The following TMPRSS7 variants were observed in gnomAD, a reference collection of about 807,000 sequenced individuals.
TMPRSS7 encodes the protein transmembrane protease serine 7.
A neutral mutation model predicts 95.6 loss-of-function variants in TMPRSS7; 81 were observed. The ratio of observed to expected loss-of-function variants is 0.85; its 90% CI spans 0.71 to 1.02. TMPRSS7 has a LOEUF of 1.02. Ranked by LOEUF, TMPRSS7 falls within the 50% of genes least tolerant of loss-of-function variation. The pLI is 0.00. For missense variants in TMPRSS7, 945 were observed against 955.2 expected, an observed-to-expected ratio of 0.99 and a Z score of 0.14; for synonymous variants, 364 against 337.8, an observed-to-expected ratio of 1.08 and a Z score of -0.85.
At chr3:112,073,089 C>CTT (rs1156538909) in intron 13 of TMPRSS7, among the ~76,000 whole-genome samples, 66 of 128,456 alleles carry the variant, frequency 5.1e-4, no homozygotes, top group African/African-American at 7.0e-4. Context: ...TGTTTCCTGA[C>CTT]TTTTTTTTTT....
rs77767840 is a variant in TMPRSS7, at chr3:112,058,068, A to G, written c.1310+937A>G. On this transcript the variant is annotated intron_variant, in intron 10 of 17. Transcript: ENST00000452346. ...AAATACAGGATGCCCTGTCTTGACC[A>G]CAGAATATCTTCTTAGTTCACTTTC... Among the ~76,000 whole-genome samples, 489 of 152,314 alleles carry G rather than the reference A, an allele frequency of 3.2e-3. 2 individuals carry two copies. The highest frequency in any genetic ancestry group is 0.011 in the African/African-American group (451 of 41,564).
At chr3:112,079,449 C>T (rs2073751965) in intron 17 of TMPRSS7, among the ~76,000 whole-genome samples, 1 of 152,214 alleles carries the variant, frequency 6.6e-6, no homozygotes, top group African/African-American at 2.4e-5. Flanking sequence ...CCACGGCCCA[C>T]AGGCCACATG....
intron 10 of TMPRSS7, among the ~76,000 whole-genome samples, chr3:112,059,354 TTC>T (rs1204695340): frequency 6.6e-6 from 1 of 152,200 alleles, no homozygotes; most frequent in Non-Finnish European, 1.5e-5. Context: ...CTTGCTGGCT[TTC>T]TCGTGTTTCT....
intron 13 of TMPRSS7, among the ~76,000 whole-genome samples, chr3:112,072,097 G>A (rs1029899374): frequency 7.9e-5 from 12 of 152,188 alleles, no homozygotes; most frequent in Admixed American, 1.3e-4. Flanking sequence ...TCTACCTTCG[G>A]TCTTTGATGT....
intron 17 of TMPRSS7, among the ~76,000 whole-genome samples, chr3:112,079,132 C>A (rs1276869218): frequency 2.0e-5 from 3 of 152,212 alleles, no homozygotes; most frequent in African/African-American, 4.8e-5. Context: ...GGTCAGCATT[C>A]ATCATTCTGC....
chr3:112,060,587 T>C (rs2073489773), intron 10 of TMPRSS7, among the ~76,000 whole-genome samples: 1 of 152,244 alleles, frequency 6.6e-6, no homozygotes, highest in South Asian at 2.1e-4. Flanking sequence ...GTGTTCTGCC[T>C]GGCTCACCAG....
intron 9 of TMPRSS7, among the ~76,000 whole-genome samples, chr3:112,054,770 T>C (rs1265997913): frequency 1.6e-5 from 2 of 122,416 alleles, no homozygotes; most frequent in African/African-American, 5.9e-5. Flanking sequence ...AGACGGAGTC[T>C]CGTTCTGTCG....
chr3:112,049,895 C>T (rs2073324370), exon 8 of TMPRSS7: 1 of 1,558,974 alleles, frequency 6.4e-7, no homozygotes, highest in Admixed American at 1.7e-5. Context: ...CAAATAATCT[C>T]ATGTTGGTGA....
intron 13 of TMPRSS7, 63 bp downstream of exon 13, chr3:112,066,565 A>T (rs2073578925): frequency 1.4e-6 from 2 of 1,474,064 alleles, no homozygotes; most frequent in Non-Finnish European, 1.9e-6. Context: ...TCAGGACAAA[A>T]ATACCTCTGA....
rs11929601 is a variant in TMPRSS7 at position 112,071,765 on chromosome 3, C to T, written c.1667-2531C>T. On this transcript the variant is annotated intron_variant, in intron 13 of 17. Transcript: ENST00000452346. ...GCTACTGAAGCTTGTGCATGTGTCA[C>T]GTAGTTCTCGTGCCATAGTTTTCAG... 6.6e-3 allele frequency among the ~76,000 whole-genome samples: 998 copies of T among 152,276 alleles called. 18 individuals are homozygous for T. Among genetic ancestry groups the T allele is most frequent in the African/African-American group, 0.023 (959 of 41,558 alleles).
rs536416784 is a variant in TMPRSS7, at chr3:112,052,029, C to T, written c.1203+1246C>T. Reference sequence around the variant, plus strand: ...ACAAACACAGAGCAGCAGCCCTGCTCTCATGGAGCTTACCTTCCAGTAGGG... The same window carrying T: ...ACAAACACAGAGCAGCAGCCCTGCTTTCATGGAGCTTACCTTCCAGTAGGG... On this transcript the variant is annotated intron_variant, in intron 9 of 17. Coordinates refer to ENST00000452346, the Ensembl canonical transcript of TMPRSS7. Among the ~76,000 whole-genome samples, 25 of 152,234 alleles carry T rather than the reference C, an allele frequency of 1.6e-4. No individual in the cohort carries two copies. The South Asian group carries it at 1.9e-3, about 11-fold the overall frequency.
At chr3:112,037,848 A>G (rs2073163132) in intron 1 of TMPRSS7, among the ~76,000 whole-genome samples, 1 of 152,150 alleles carries the variant, frequency 6.6e-6, no homozygotes, top group African/African-American at 2.4e-5. Context: ...CCATTTCACT[A>G]GGGTTTGTAT....
chr3:112,075,642 AT>A (rs57907161), intron 15 of TMPRSS7, 150 bp downstream of exon 15: 8,713 of 608,698 alleles, frequency 0.014, 299 homozygotes, highest in African/African-American at 0.087. Flanking sequence ...TGTGACAAAC[AT>A]TTTTTTTTAA....
Position 112,050,611 on chromosome 3 carries a change from G to T in TMPRSS7, c.1091-60G>T, listed in dbSNP as rs535735542. 4.1e-6 allele frequency: 3 copies of T among 729,152 alleles called. No homozygotes were observed. The African/African-American group carries it at 5.5e-5, about 13-fold the overall frequency. 45.2% of individuals were successfully genotyped at this position (729,152 alleles called of 1,614,324 possible). A position where few individuals can be genotyped will look rare whatever the true frequency, so the allele number is the denominator to read the frequency against. On this transcript the variant is annotated intron_variant, in intron 8 of 17. Transcript: ENST00000452346. ...CTTAGTAATTAAAGAAATGTATGAAGTGTATTTTCCATAATCTCACAGCTG... is the reference window on the plus strand; with the variant it reads ...CTTAGTAATTAAAGAAATGTATGAATTGTATTTTCCATAATCTCACAGCTG...
At chr3:112,056,647 T>C (rs2073436264) in intron 9 of TMPRSS7, among the ~76,000 whole-genome samples, 1 of 146,614 alleles carries the variant, frequency 6.8e-6, no homozygotes, top group Admixed American at 6.6e-5. Context: ...CTCCTTTATC[T>C]AAAGAATCTG....
chr3:112,037,414 G>A (rs1013870193), intron 1 of TMPRSS7, among the ~76,000 whole-genome samples: 5 of 152,262 alleles, frequency 3.3e-5, no homozygotes, highest in Admixed American at 6.5e-5. Flanking sequence ...CCAGGTTGGC[G>A]AATTCTAGTC....
At chr3:112,034,960 G>A in intron 1 of TMPRSS7, 67 bp downstream of exon 1, 1 of 700,340 alleles carries the variant, frequency 1.4e-6, no homozygotes, top group Admixed American at 2.0e-5. Flanking sequence ...TTAGTAAAAT[G>A]AGATTGTATG....
intron 12 of TMPRSS7, among the ~76,000 whole-genome samples, chr3:112,064,240 A>T (rs1213028816): frequency 6.6e-6 from 1 of 152,242 alleles, no homozygotes; most frequent in East Asian, 1.9e-4. Context: ...CTCCATCTAG[A>T]GAGAAGCTCA....
At chr3:112,075,239 C>T (rs909489483) in intron 14 of TMPRSS7, 82 bp from the exon 15 acceptor site, 1 of 1,335,224 alleles carries the variant, frequency 7.5e-7, no homozygotes, top group South Asian at 2.0e-5. Flanking sequence ...TGAGTCAGTT[C>T]CCAGCCAGCA....
Sources: gnomAD v4.1 joint callset for allele counts (sites outside exome capture counted in the v4.1 genomes callset) on GRCh38, gnomAD v4.1.1 for gene constraint, MANE v1.5 for transcripts, NCBI Gene and HGNC (gene_info 2026-07-23, HGNC 2026-07-21) for gene names.